LYPD6B: variants seen among roughly 807,000 people sequenced by gnomAD.
LYPD6B encodes LY6/PLAUR domain containing 6B, also known as ly6/PLAUR domain-containing protein 6B.
A neutral mutation model predicts 22.8 loss-of-function variants in LYPD6B; 17 were observed. The observed-to-expected ratio is 0.75, with a 90% CI of 0.51 to 1.12. The LOEUF (loss-of-function observed/expected upper bound fraction) is 1.12. LYPD6B is among the 50% of genes most tolerant of loss of function. The pLI, the probability that LYPD6B is intolerant of heterozygous loss-of-function variation, is 0.00. For missense variants in LYPD6B, 221 were observed against 258.3 expected, an observed-to-expected ratio of 0.86 and a Z score of 0.99; for synonymous variants, 106 against 91.6, an observed-to-expected ratio of 1.16 and a Z score of -0.90.
intron 2 of LYPD6B, among the ~76,000 whole-genome samples, chr2:149,148,708 C>T (rs993820169): frequency 1.7e-4 from 26 of 152,158 alleles, no homozygotes; most frequent in African/African-American, 6.3e-4. Context: ...AAAAACTGTG[C>T]TGGCCAAATT....
chr2:149,176,496 CA>C (rs1169456761), intron 3 of LYPD6B, among the ~76,000 whole-genome samples: 1 of 152,072 alleles, frequency 6.6e-6, no homozygotes, highest in African/African-American at 2.4e-5. Flanking sequence ...CAGGGTATTG[CA>C]AGAAAGGAAT....
intron 1 of LYPD6B, among the ~76,000 whole-genome samples, chr2:149,046,766 A>G (rs974564248): frequency 2.6e-5 from 4 of 152,132 alleles, no homozygotes; most frequent in East Asian, 1.9e-4. Context: ...TTGTAGTCTT[A>G]TAGCAGTATA....
intron 2 of LYPD6B, among the ~76,000 whole-genome samples, chr2:149,135,414 A>G (rs1220953722): frequency 6.6e-6 from 1 of 152,030 alleles, no homozygotes. Context: ...ATGTGTATGT[A>G]TGAATAAAGA....
intron 2 of LYPD6B, among the ~76,000 whole-genome samples, chr2:149,142,978 G>A (rs1211640390): frequency 6.6e-6 from 1 of 152,154 alleles, no homozygotes; most frequent in African/African-American, 2.4e-5. Flanking sequence ...AGTACAAAGA[G>A]TTCACATATA....
chr2:149,126,711 G>T (rs962666649), intron 1 of LYPD6B, among the ~76,000 whole-genome samples: 1 of 152,100 alleles, frequency 6.6e-6, no homozygotes, highest in Non-Finnish European at 1.5e-5. Context: ...TTCTGCCTGG[G>T]ATATAGGGTG....
chr2:149,159,223 T>A (rs919831325), intron 2 of LYPD6B, among the ~76,000 whole-genome samples: 3 of 152,022 alleles, frequency 2.0e-5, no homozygotes, highest in Non-Finnish European at 4.4e-5. Flanking sequence ...TGATAAAGGA[T>A]CCTTTGAGGT....
intron 3 of LYPD6B, chr2:149,204,962 A>C: frequency 2.5e-5 from 7 of 275,068 alleles, no homozygotes; most frequent in Non-Finnish European, 4.8e-5. Flanking sequence ...CACTGAGGGA[A>C]TGGGGTGCAG....
At chr2:149,194,493 G>C (rs1185087274) in intron 3 of LYPD6B, among the ~76,000 whole-genome samples, 2 of 152,192 alleles carry the variant, frequency 1.3e-5, no homozygotes, top group Non-Finnish European at 2.9e-5. Context: ...GCAGATTCCA[G>C]TGCTAGCAGC....
At chr2:149,170,601 T>G (rs967908034) in intron 3 of LYPD6B, among the ~76,000 whole-genome samples, 31 of 152,224 alleles carry the variant, frequency 2.0e-4, no homozygotes, top group Non-Finnish European at 2.9e-5. Flanking sequence ...TCTTAATATT[T>G]ATATTTATTA....
At chr2:149,181,501 C>T (rs898781627) in intron 3 of LYPD6B, among the ~76,000 whole-genome samples, 8 of 152,118 alleles carry the variant, frequency 5.3e-5, no homozygotes, top group Non-Finnish European at 1.2e-4. Flanking sequence ...CTGCTGGATT[C>T]CAGAAACCCA....
chr2:149,074,252 G>C (rs945915816), intron 1 of LYPD6B, among the ~76,000 whole-genome samples: 2 of 138,598 alleles, frequency 1.4e-5, no homozygotes, highest in Admixed American at 1.4e-4. Context: ...GCACACACAT[G>C]CATACACGCA....
intron 1 of LYPD6B, among the ~76,000 whole-genome samples, chr2:149,057,672 G>A (rs1350100160): frequency 6.6e-6 from 1 of 152,186 alleles, no homozygotes; most frequent in African/African-American, 2.4e-5. Flanking sequence ...CAAATACTGT[G>A]TAGGGGCGAA....
At chr2:149,167,183 C>G (rs967045607) in intron 3 of LYPD6B, among the ~76,000 whole-genome samples, 3 of 151,968 alleles carry the variant, frequency 2.0e-5, no homozygotes, top group African/African-American at 7.3e-5. Context: ...TGGGCTGGTT[C>G]TCTCTCCAAA....
chr2:149,074,294 A>G (rs529449531), intron 1 of LYPD6B, among the ~76,000 whole-genome samples: 2 of 152,230 alleles, frequency 1.3e-5, no homozygotes, highest in South Asian at 2.1e-4. Context: ...ACACACGCAC[A>G]TGTGCTCTCT....
intron 1 of LYPD6B, among the ~76,000 whole-genome samples, chr2:149,129,218 G>A (rs564309695): frequency 1.3e-5 from 2 of 152,332 alleles, no homozygotes; most frequent in African/African-American, 2.4e-5. Flanking sequence ...GACAGTTCTT[G>A]AGAAAGTCAT....
intron 1 of LYPD6B, among the ~76,000 whole-genome samples, chr2:149,050,796 GC>G (rs1472564172): frequency 6.6e-6 from 1 of 152,180 alleles, no homozygotes; most frequent in Non-Finnish European, 1.5e-5. Flanking sequence ...CACCCAGGAA[GC>G]CCGGAGCTAC....
chr2:149,168,957 T>A (rs923982222), intron 3 of LYPD6B, among the ~76,000 whole-genome samples: 2 of 152,184 alleles, frequency 1.3e-5, no homozygotes, highest in Admixed American at 6.5e-5. Flanking sequence ...GGGCAACAAT[T>A]ATGTAGACAG....
chr2:149,112,752 A>G (rs1574987503), intron 1 of LYPD6B, among the ~76,000 whole-genome samples: 1 of 152,322 alleles, frequency 6.6e-6, no homozygotes, highest in East Asian at 1.9e-4. Flanking sequence ...TAAAAGGGAC[A>G]AAAATATTCA....
chr2:149,144,837 C>T (rs982045763), intron 2 of LYPD6B, among the ~76,000 whole-genome samples: 2 of 152,184 alleles, frequency 1.3e-5, no homozygotes, highest in Admixed American at 6.5e-5. Context: ...ACTTGACGTG[C>T]CTTCAAATAC....
Sources: allele counts gnomAD v4.1 joint callset (sites outside exome capture counted in the v4.1 genomes callset), GRCh38; gene constraint gnomAD v4.1.1; transcripts MANE v1.5; gene names NCBI Gene and HGNC (gene_info 2026-07-23, HGNC 2026-07-21).